The following FAM178B variants were observed in gnomAD, a reference collection of about 807,000 sequenced individuals.
FAM178B encodes the protein family with sequence similarity 178 member B.
Under a neutral mutation model 91.7 loss-of-function variants are expected in FAM178B, and 82 were observed. That is an observed-to-expected ratio of 0.89 (90% CI 0.75 to 1.07). The LOEUF (loss-of-function observed/expected upper bound fraction) is 1.07. Among genes scored for constraint, FAM178B ranks in the 50% least tolerant of loss-of-function variants. FAM178B has a pLI of 0.00. For missense variants in FAM178B, 769 were observed against 846.7 expected (o/e 0.91, Z 1.14); for synonymous variants, 368 against 359.4 (o/e 1.02, Z -0.27).
intron 6 of FAM178B, among the ~76,000 whole-genome samples, chr2:96,959,812 A>G (rs772917835): frequency 6.6e-6 from 1 of 152,248 alleles, no homozygotes; most frequent in Non-Finnish European, 1.5e-5. Context: ...CCCAAAAAGA[A>G]TAAGACAGCT....
At chr2:96,983,087 A>T (rs756911204) in intron 1 of FAM178B, among the ~76,000 whole-genome samples, 77 of 148,010 alleles carry the variant, frequency 5.2e-4, no homozygotes, top group Admixed American at 6.1e-4. Context: ...TGCTACCTTG[A>T]CCAGGTCAGC....
At position 96,915,387 on chromosome 2, in the gene FAM178B, G is replaced by A. The variant is rs371056570; in HGVS notation, c.1562+5778C>T. Among the ~76,000 whole-genome samples the A allele has an allele frequency of 3.7e-4, 56 of 151,144 alleles. No homozygotes were observed. In the East Asian group the frequency reaches 8.4e-3, roughly 23 times the overall value. ...CCCACCTCGGCCTCCCAAAGTGCTG[G>A]GATTACAGGTGTGAGCCACCGCACC... On this transcript the variant is annotated intron_variant, in intron 12 of 16. Coordinates refer to ENST00000490605, the MANE Select transcript of FAM178B (RefSeq NM_001122646.3).
intron 1 of FAM178B, among the ~76,000 whole-genome samples, chr2:96,978,819 G>GT (rs1215546430): frequency 6.6e-6 from 1 of 151,770 alleles, no homozygotes; most frequent in Non-Finnish European, 1.5e-5. Context: ...CAGGGACGGG[G>GT]TTTCACCATG....
intron 13 of FAM178B, among the ~76,000 whole-genome samples, chr2:96,900,570 G>A (rs1019783314): frequency 2.5e-4 from 38 of 152,098 alleles, no homozygotes; most frequent in Middle Eastern, 3.2e-3. Context: ...AAGATCAGGG[G>A]GTGGCCACCA....
Position 96,972,248 on chromosome 2 carries a change from G to A in FAM178B, c.217C>T (p.Gln73Ter). Residue 73 changes from glutamine (Q) to a stop codon, truncating the protein, a stop_gained, in exon 3 of 17, where the codon CAG becomes TAG. Transcript: ENST00000490605. LOFTEE classifies it high-confidence loss of function. ...EDGLSDHPLDQGPRCPARRPC... is the reference protein window; with the variant it reads ...EDGLSDHPLD ...CGCCGGGCAGGGCAGCGGGGCCCCTGGTCCAGGGGATGGTCTGACAAGCCA... is the reference window on the plus strand; with the variant it reads ...CGCCGGGCAGGGCAGCGGGGCCCCTAGTCCAGGGGATGGTCTGACAAGCCA... 3 of 1,513,170 alleles carry A rather than the reference G, an allele frequency of 2.0e-6. No individual in the cohort carries two copies. The highest frequency in any genetic ancestry group is 2.7e-6 in the Non-Finnish European group (3 of 1,131,244). The allele number at this position is 1,513,170 out of a possible 1,614,324, so 93.7% of individuals were successfully genotyped here. A position where few individuals can be genotyped will look rare whatever the true frequency, so the allele number is the denominator to read the frequency against.
At chr2:96,946,625 G>A (rs2081833170) in intron 8 of FAM178B, among the ~76,000 whole-genome samples, 1 of 152,264 alleles carries the variant, frequency 6.6e-6, no homozygotes, top group African/African-American at 2.4e-5. Context: ...TCCTAATGGG[G>A]AGCGCATCAG....
Position 96,928,979 on chromosome 2 carries a change from C to G in FAM178B, c.1193+227G>C, listed in dbSNP as rs74492791. On this transcript the variant is annotated intron_variant, in intron 9 of 16. Transcript: ENST00000490605. ...AGCCTGGACAACGTAGGGAGACCCC[C>G]CCCCGCCACCTCTACAAAAAATTAA... 1.6e-4 allele frequency among the ~76,000 whole-genome samples: 25 copies of G among 152,060 alleles called. No homozygotes were observed. The East Asian group carries it at 4.7e-3, about 28-fold the overall frequency.
chr2:96,961,169 C>G (rs1165579898), intron 5 of FAM178B, among the ~76,000 whole-genome samples: 1 of 152,230 alleles, frequency 6.6e-6, no homozygotes, highest in African/African-American at 2.4e-5. Flanking sequence ...GAGGTGAAAA[C>G]TGTCAGGACT....
In FAM178B at chr2:96,932,107, G is replaced by A. The variant is rs562810147; in HGVS notation, c.1079-2787C>T. Among the ~76,000 whole-genome samples, 7 of 152,328 alleles carry A rather than the reference G, an allele frequency of 4.6e-5. No individual in the cohort carries two copies. In the East Asian group the frequency reaches 1.4e-3, roughly 29 times the overall value. On this transcript the variant is annotated intron_variant, in intron 8 of 16. Coordinates refer to ENST00000490605, the MANE Select transcript of FAM178B (RefSeq NM_001122646.3). ...TAGGGCGAGGCCCCGGGAGGCCCAG[G>A]TGGGTTGGAACCTCCCGCCAGCAGC...
chr2:96,949,554 G>C (rs2153373260), intron 7 of FAM178B, among the ~76,000 whole-genome samples: 1 of 152,194 alleles, frequency 6.6e-6, no homozygotes, highest in Non-Finnish European at 1.5e-5. Flanking sequence ...CCCCTACCCT[G>C]GGACCTCAGG....
chr2:96,920,727 C>T (rs1259945330), intron 12 of FAM178B, among the ~76,000 whole-genome samples: 1 of 152,204 alleles, frequency 6.6e-6, no homozygotes, highest in Non-Finnish European at 1.5e-5. Flanking sequence ...AGGAAAGCCA[C>T]AGCCATAAAC....
intron 8 of FAM178B, among the ~76,000 whole-genome samples, chr2:96,936,570 C>A (rs1464407482): frequency 6.8e-6 from 1 of 148,038 alleles, no homozygotes; most frequent in Non-Finnish European, 1.5e-5. Context: ...AGTGCAATGG[C>A]ATGATCTTGG....
rs1337091819 is a variant in FAM178B at position 96,898,187 on chromosome 2, T to C, written c.1651-4136A>G. 4.3e-6 allele frequency: 4 copies of C among 921,138 alleles called. No individual in the cohort carries two copies. The African/African-American group carries it at 7.2e-5, about 16-fold the overall frequency. 57.1% of individuals were successfully genotyped at this position (921,138 alleles called of 1,614,324 possible). A position where few individuals can be genotyped will look rare whatever the true frequency, so the allele number is the denominator to read the frequency against. The stretch of plus-strand genomic sequence containing the variant: ...GATTTCTCCAGCACTTGTGCACTGA[T>C]GAGGAAAGGGAGGGACGGCCCTTGT... On this transcript the variant is annotated intron_variant, in intron 13 of 16. Transcript: ENST00000490605.
intron 8 of FAM178B, among the ~76,000 whole-genome samples, chr2:96,945,163 T>C (rs1024314878): frequency 6.6e-6 from 1 of 152,208 alleles, no homozygotes; most frequent in South Asian, 2.1e-4. Context: ...CAATGAGGCA[T>C]GGCAATGTGC....
intron 16 of FAM178B, chr2:96,877,640 C>A: frequency 4.1e-6 from 2 of 483,072 alleles, no homozygotes; most frequent in South Asian, 5.2e-5. Flanking sequence ...TGTGATCCGC[C>A]CGCCTCAGTC....
intron 16 of FAM178B, 116 bp downstream of exon 16, chr2:96,877,774 A>G (rs927181895): frequency 1.9e-6 from 2 of 1,072,876 alleles, no homozygotes; most frequent in Admixed American, 4.5e-5. Context: ...CACTCCACCC[A>G]TATCCCTGCC....
intron 14 of FAM178B, among the ~76,000 whole-genome samples, chr2:96,880,251 G>C (rs1037501244): frequency 2.0e-5 from 3 of 152,028 alleles, no homozygotes; most frequent in African/African-American, 7.2e-5. Flanking sequence ...GGCAAAGATG[G>C]CCCTGTGCAG....
chr2:96,929,114 T>C (rs1171387213), intron 9 of FAM178B, 92 bp downstream of exon 9: 5 of 903,636 alleles, frequency 5.5e-6, no homozygotes, highest in Non-Finnish European at 8.8e-6. Context: ...GCTATGATTA[T>C]ACCCCTGTAT....
chr2:96,875,931 A>T lies in FAM178B; in HGVS notation c.*345T>A, dbSNP rs2080230684. On this transcript the variant is annotated 3_prime_UTR_variant, in exon 17 of 17. Transcript: ENST00000490605. ...TGCACAAAGAAACCTCACATTAGTG[A>T]CAGGGAGACAGAGGAAGGAGGGTGG... 2 of 351,860 alleles carry T rather than the reference A, an allele frequency of 5.7e-6. No individual in the cohort carries two copies. The highest frequency in any genetic ancestry group is 2.1e-5 in the African/African-American group (1 of 47,136). 21.8% of individuals were successfully genotyped at this position (351,860 alleles called of 1,614,324 possible).
Sources: gnomAD v4.1 joint callset for allele counts (sites outside exome capture counted in the v4.1 genomes callset) on GRCh38, gnomAD v4.1.1 for gene constraint, MANE v1.5 for transcripts, NCBI Gene and HGNC (gene_info 2026-07-23, HGNC 2026-07-21) for gene names.